The following NIPA1 variants were observed in gnomAD, a reference collection of about 807,000 sequenced individuals.
The protein encoded by NIPA1 is magnesium transporter NIPA1.
Under a neutral mutation model 23.9 loss-of-function variants are expected in NIPA1, and 13 were observed. That is an observed-to-expected ratio of 0.54 (90% CI 0.35 to 0.87). The LOEUF (loss-of-function observed/expected upper bound fraction) is 0.87, where lower values mean the gene tolerates loss of function less well. NIPA1 is among the 40% of genes least tolerant of loss of function. The pLI is 0.01. For missense variants in NIPA1, 362 were observed against 429.7 expected, an observed-to-expected ratio of 0.84 and a Z score of 1.39; for synonymous variants, 234 against 202.9, an observed-to-expected ratio of 1.15 and a Z score of -1.30.
upstream of NIPA1, chr15:22,786,515 C>T (rs1894699836): frequency 5.8e-6 from 1 of 172,418 alleles, no homozygotes; most frequent in African/African-American, 2.4e-5. Flanking sequence ...TCCCTGGCAC[C>T]CCCGTCCCGC....
chr15:22,792,915 T>C (rs1167669137), intron 1 of NIPA1, among the ~76,000 whole-genome samples: 2 of 151,624 alleles, frequency 1.3e-5, no homozygotes, highest in Non-Finnish European at 2.9e-5. Flanking sequence ...GATTGCGCCA[T>C]TGCGCTCCAG....
chr15:22,814,558 G>T (rs1172445274), intron 3 of NIPA1, among the ~76,000 whole-genome samples: 1 of 150,210 alleles, frequency 6.7e-6, no homozygotes, highest in South Asian at 2.2e-4. Context: ...AATGGGATGG[G>T]GTTGCTGGAA....
intron 1 of NIPA1, among the ~76,000 whole-genome samples, chr15:22,797,230 G>T (rs1403335878): frequency 2.8e-5 from 4 of 144,690 alleles, no homozygotes; most frequent in African/African-American, 1.1e-4. Context: ...TTTTTTTTTG[G>T]ACGGAGTCTC....
At chr15:22,818,177 G>A (rs1057066090) in intron 3 of NIPA1, among the ~76,000 whole-genome samples, 11 of 152,314 alleles carry the variant, frequency 7.2e-5, no homozygotes, top group African/African-American at 2.4e-4. Context: ...GGTGGCTCAC[G>A]CCTGTAATCC....
At chr15:22,789,221 T>A (rs1234804241) in intron 1 of NIPA1, among the ~76,000 whole-genome samples, 1 of 152,044 alleles carries the variant, frequency 6.6e-6, no homozygotes, top group Non-Finnish European at 1.5e-5. Context: ...ACTCCAGACC[T>A]CAGGTGATCT....
At chr15:22,788,865 G>A (rs1318380448) in intron 1 of NIPA1, among the ~76,000 whole-genome samples, 4 of 120,850 alleles carry the variant, frequency 3.3e-5, no homozygotes, top group Admixed American at 2.2e-4. Flanking sequence ...GTTGCAGTGA[G>A]CCAAAATTGT....
chr15:22,813,946 C>T (rs1001682675), intron 3 of NIPA1: 1 of 424,058 alleles, frequency 2.4e-6, no homozygotes, highest in African/African-American at 2.0e-5. Flanking sequence ...ACAACCTGAC[C>T]TGGTGATCTT....
chr15:22,798,270 C>T (rs1179661472), intron 1 of NIPA1, among the ~76,000 whole-genome samples: 26 of 135,974 alleles, frequency 1.9e-4, no homozygotes, highest in African/African-American at 3.2e-4. Flanking sequence ...GACAGAATCT[C>T]GCTCTGTCGC....
At chr15:22,809,650 C>A (rs986912823) in intron 1 of NIPA1, among the ~76,000 whole-genome samples, 1 of 150,948 alleles carries the variant, frequency 6.6e-6, no homozygotes, top group African/African-American at 2.4e-5. Context: ...GAGGCTGAGA[C>A]GGGAGAATTG....
intron 4 of NIPA1, among the ~76,000 whole-genome samples, chr15:22,822,275 A>T (rs747428904): frequency 2.0e-5 from 3 of 152,210 alleles, no homozygotes; most frequent in Non-Finnish European, 4.4e-5. Context: ...GGCTCTGATT[A>T]TTATAGGCAT....
rs922136901 is a variant in NIPA1, at chr15:22,786,653, C to T, written c.-4C>T. On this transcript the variant is annotated 5_prime_UTR_variant, in exon 1 of 5. Coordinates refer to ENST00000337435, the MANE Select transcript of NIPA1 (RefSeq NM_144599.5). ...CGCAGGCTCGGAGGGCGGGCGCGGG[C>T]GGAATGGGGACTGCAGCTGCGGCAG... is the stretch of plus-strand genomic sequence containing the variant. 2.9e-6 allele frequency: 3 copies of T among 1,026,342 alleles called. No homozygotes were observed. The highest frequency in any genetic ancestry group is 4.0e-5 in the South Asian group (1 of 24,736). The allele number at this position is 1,026,342 out of a possible 1,614,324, so 63.6% of individuals were successfully genotyped here.
At position 22,826,834 on chromosome 15, in the gene NIPA1, A is replaced by G. The variant is rs187841365; in HGVS notation, c.*2595A>G. ...CTTTTCTTCCAGTGAAACAAAGTTC[A>G]TATCATCCATTGTTTTTCAAGCACG... is the stretch of plus-strand genomic sequence containing the variant. On this transcript the variant is annotated 3_prime_UTR_variant, in exon 5 of 5. Coordinates refer to ENST00000337435, the MANE Select transcript of NIPA1 (RefSeq NM_144599.5). 11 of 152,272 alleles carry G rather than the reference A, an allele frequency of 7.2e-5. No homozygotes were observed. The East Asian group carries it at 1.7e-3, about 24-fold the overall frequency. The allele number at this position is 152,272 out of a possible 1,614,324, so 9.4% of individuals were successfully genotyped here.
chr15:22,804,075 C>T (rs1444439991), intron 1 of NIPA1, among the ~76,000 whole-genome samples: 2 of 151,964 alleles, frequency 1.3e-5, no homozygotes, highest in Non-Finnish European at 1.5e-5. Flanking sequence ...CTCCCTAGTT[C>T]GAGCGATTCT....
At chr15:22,786,247 C>G (rs1894692833), upstream of NIPA1, 1 of 152,072 alleles carries the variant, frequency 6.6e-6, no homozygotes, top group Admixed American at 6.5e-5. Flanking sequence ...CTTCGCGCTC[C>G]GGTGAGTTGG....
chr15:22,786,614 G>T (rs1276643858), upstream of NIPA1: 8 of 838,654 alleles, frequency 9.5e-6, no homozygotes, highest in East Asian at 9.1e-4. Context: ...GCCCCGCGGG[G>T]CGCGGCGCGC....
intron 1 of NIPA1, among the ~76,000 whole-genome samples, chr15:22,807,950 A>T (rs1895246526): frequency 6.6e-6 from 1 of 150,686 alleles, no homozygotes; most frequent in Non-Finnish European, 1.5e-5. Context: ...TGCCCAGCTA[A>T]TTTTTTTTTG....
chr15:22,811,714 T>C (rs924027839), intron 2 of NIPA1, among the ~76,000 whole-genome samples: 3 of 152,212 alleles, frequency 2.0e-5, no homozygotes, highest in Non-Finnish European at 2.9e-5. Flanking sequence ...TTAAGCTCCA[T>C]CTGGGTGATG....
At chr15:22,796,307 C>A (rs1419217866) in intron 1 of NIPA1, among the ~76,000 whole-genome samples, 2 of 152,038 alleles carry the variant, frequency 1.3e-5, no homozygotes, top group African/African-American at 4.8e-5. Context: ...AATTCATTTT[C>A]ATTTTCTTAT....
At chr15:22,802,190 G>A (rs1419094827) in intron 1 of NIPA1, among the ~76,000 whole-genome samples, 13 of 152,058 alleles carry the variant, frequency 8.5e-5, no homozygotes, top group African/African-American at 3.1e-4. Context: ...TCAGGAGTTC[G>A]AGACCAGCCT....
Sources: allele counts gnomAD v4.1 joint callset (sites outside exome capture counted in the v4.1 genomes callset), GRCh38; gene constraint gnomAD v4.1.1; transcripts MANE v1.5; gene names NCBI Gene and HGNC (gene_info 2026-07-23, HGNC 2026-07-21).